STPG2: variants seen among roughly 807,000 people sequenced by gnomAD.
The protein encoded by STPG2 is sperm tail PG-rich repeat containing 2, also known as sperm-tail PG-rich repeat-containing protein 2.
STPG2 carries 56 observed loss-of-function variants against 54.2 expected under a neutral mutation model. The ratio of observed to expected loss-of-function variants is 1.03; its 90% confidence interval spans 0.83 to 1.29. The LOEUF (loss-of-function observed/expected upper bound fraction) is 1.29, where lower values mean the gene tolerates loss of function less well. Ranked by LOEUF, STPG2 falls within the 50% of genes most tolerant of loss-of-function variation. The pLI, the probability that STPG2 is intolerant of heterozygous loss-of-function variation, is 0.00. For missense variants in STPG2, 596 were observed against 544.9 expected (o/e 1.09, Z -0.93); for synonymous variants, 200 against 181.8 (o/e 1.10, Z -0.81).
intron 4 of STPG2, among the ~76,000 whole-genome samples, chr4:97,444,910 G>A (rs565407835): frequency 6.6e-5 from 10 of 152,130 alleles, no homozygotes; most frequent in East Asian, 5.8e-4. Context: ...GGTAGCAGGC[G>A]CCTGTGGTCC....
At position 97,501,315 on chromosome 4, in the gene STPG2, A is replaced by T. The variant is rs184838646; in HGVS notation, c.462+211384T>A. ...CTGAGCCAAGCTGCTCATTTTAAAAATTCAAAGAAATAGCATACATGAACT... is the reference window on the plus strand; with the variant it reads ...CTGAGCCAAGCTGCTCATTTTAAAATTTCAAAGAAATAGCATACATGAACT... On this transcript the variant is annotated intron_variant, in intron 4 of 4. Transcript: ENST00000522676. Among the ~76,000 whole-genome samples, 293 of 152,206 alleles carry T rather than the reference A, an allele frequency of 1.9e-3. 1 individual carries two copies. Among genetic ancestry groups the T allele is most frequent in the African/African-American group, 6.5e-3 (271 of 41,552 alleles).
At chr4:97,536,734 A>G (rs936699994) in intron 4 of STPG2, among the ~76,000 whole-genome samples, 6 of 152,260 alleles carry the variant, frequency 3.9e-5, no homozygotes, top group African/African-American at 1.2e-4. Flanking sequence ...CCTGTGGATG[A>G]ATCAAAGGAC....
chr4:97,859,342 C>A (rs1380584915), intron 8 of STPG2, among the ~76,000 whole-genome samples: 1 of 152,084 alleles, frequency 6.6e-6, no homozygotes, highest in Non-Finnish European at 1.5e-5. Flanking sequence ...TCTCTTTTCT[C>A]CCACTCTGTG....
intron 8 of STPG2, among the ~76,000 whole-genome samples, chr4:97,872,037 G>GA (rs1730009555): frequency 2.0e-5 from 3 of 151,052 alleles, no homozygotes; most frequent in Admixed American, 2.0e-4. Context: ...AAAAAGAACA[G>GA]TCATATGATC....
At position 97,694,632 on chromosome 4, in the gene STPG2, C is replaced by A. The variant is rs367721868; in HGVS notation, c.1320+18067G>T. 2.7e-5 allele frequency among the ~76,000 whole-genome samples: 4 copies of A among 150,932 alleles called. No homozygotes were observed. The East Asian group carries it at 7.8e-4, about 30-fold the overall frequency. ...TATCATCCTAGTTAACACGGTGAAA[C>A]CCCGTCTCTATTAAAAAAAAAATAC... is the stretch of plus-strand genomic sequence containing the variant. On this transcript the variant is annotated intron_variant, in intron 10 of 10. Coordinates refer to ENST00000295268, the MANE Select transcript of STPG2 (RefSeq NM_174952.3).
chr4:98,109,242 C>T lies in STPG2; in HGVS notation c.451G>A (p.Glu151Lys), dbSNP rs1333457759. 1.9e-6 allele frequency: 3 copies of T among 1,611,336 alleles called. No homozygotes were observed. Among genetic ancestry groups the T allele is most frequent in the South Asian group, 2.2e-5 (2 of 90,808 alleles). The change falls in exon 4 of 11, where the codon GAG (glutamate) becomes AAG (lysine). Residue 151 changes from glutamate (E) to lysine (K), a missense_variant. Transcript: ENST00000295268. Reference protein sequence around the residue: ...IHFGNSSGRQELPKKSGPGPG... With the variant: ...IHFGNSSGRQKLPKKSGPGPG... ...CCAGGACCTGACTTTTTAGGTAACT[C>T]TTGTCTTCCTGAAGAGTTGCCAAAA...
intron 5 of STPG2, among the ~76,000 whole-genome samples, chr4:97,983,934 A>C (rs1302709477): frequency 6.6e-6 from 1 of 152,182 alleles, no homozygotes; most frequent in Non-Finnish European, 1.5e-5. Context: ...AAAAATCATG[A>C]GTTCACATAA....
At chr4:97,598,231 C>A (rs995175648) in intron 10 of STPG2, among the ~76,000 whole-genome samples, 17 of 151,872 alleles carry the variant, frequency 1.1e-4, no homozygotes, top group African/African-American at 4.1e-4. Flanking sequence ...TAAAAGAAAT[C>A]AGAGATGAAA....
At chr4:97,915,748 T>A (rs1363787802) in intron 8 of STPG2, among the ~76,000 whole-genome samples, 1 of 152,080 alleles carries the variant, frequency 6.6e-6, no homozygotes, top group Non-Finnish European at 1.5e-5. Context: ...TGGAAAGTGA[T>A]GCAGGGAAAA....
chr4:98,120,425 C>G (rs1268704165), intron 3 of STPG2, among the ~76,000 whole-genome samples: 1 of 152,090 alleles, frequency 6.6e-6, no homozygotes, highest in African/African-American at 2.4e-5. Context: ...TGGGTATATA[C>G]CCAGTAATAA....
At chr4:97,619,642 C>T (rs1733960124) in intron 10 of STPG2, among the ~76,000 whole-genome samples, 1 of 151,588 alleles carries the variant, frequency 6.6e-6, no homozygotes, top group Admixed American at 6.6e-5. Context: ...ACCCCATGCC[C>T]TCCACTCAAC....
At chr4:97,985,083 T>C (rs1310565795) in intron 5 of STPG2, among the ~76,000 whole-genome samples, 1 of 152,176 alleles carries the variant, frequency 6.6e-6, no homozygotes, top group Non-Finnish European at 1.5e-5. Flanking sequence ...TTTTGAGTTG[T>C]GTAAAGTAGG....
At chr4:97,795,788 A>G (rs1727152224) in intron 9 of STPG2, among the ~76,000 whole-genome samples, 2 of 152,166 alleles carry the variant, frequency 1.3e-5, no homozygotes, top group African/African-American at 4.8e-5. Flanking sequence ...GTCTTCCACA[A>G]TGGGTGAACT....
chr4:97,837,179 A>G (rs901754623), intron 9 of STPG2, among the ~76,000 whole-genome samples: 7 of 151,610 alleles, frequency 4.6e-5, no homozygotes, highest in Non-Finnish European at 7.4e-5. Context: ...TACTTTTTTA[A>G]TGAAGTCCTT....
chr4:97,643,052 G>T (rs559225488), intron 10 of STPG2, among the ~76,000 whole-genome samples: 160 of 151,162 alleles, frequency 1.1e-3, no homozygotes, highest in African/African-American at 3.7e-3. Context: ...ATTTTTCCTT[G>T]GAATAATTAT....
chr4:97,637,093 A>C (rs542291499), intron 10 of STPG2, among the ~76,000 whole-genome samples: 14 of 152,246 alleles, frequency 9.2e-5, no homozygotes, highest in East Asian at 3.9e-4. Context: ...AAAATCCTCA[A>C]TAAAATACTG....
intron 10 of STPG2, among the ~76,000 whole-genome samples, chr4:97,564,199 G>T (rs1732352318): frequency 6.6e-6 from 1 of 152,026 alleles, no homozygotes; most frequent in Admixed American, 6.5e-5. Flanking sequence ...GGCCTTCTTT[G>T]TCTCTTTTGA....
At chr4:97,896,062 T>G (rs1241271057) in intron 8 of STPG2, among the ~76,000 whole-genome samples, 1 of 151,808 alleles carries the variant, frequency 6.6e-6, no homozygotes, top group Non-Finnish European at 1.5e-5. Context: ...CTTCCAAGTG[T>G]CATCTCCTGC....
At chr4:98,113,052 A>G (rs1739409164) in intron 3 of STPG2, among the ~76,000 whole-genome samples, 2 of 151,722 alleles carry the variant, frequency 1.3e-5, no homozygotes, top group Admixed American at 6.6e-5. Context: ...TCATTAAAAT[A>G]TTGGCTAAAA....
Sources: allele counts gnomAD v4.1 joint callset (sites outside exome capture counted in the v4.1 genomes callset), GRCh38; gene constraint gnomAD v4.1.1; transcripts MANE v1.5; gene names NCBI Gene and HGNC (gene_info 2026-07-23, HGNC 2026-07-21).